Variants in COL5A1 observed in about 807,000 individuals in gnomAD.
COL5A1 encodes the protein collagen type V alpha 1 chain, also known as collagen alpha-1(V) chain.
Under a neutral mutation model 263.7 loss-of-function variants are expected in COL5A1, and 16 were observed. The observed-to-expected ratio is 0.06, with a 90% CI of 0.04 to 0.09. The LOEUF (loss-of-function observed/expected upper bound fraction) is 0.09, where lower values mean the gene tolerates loss of function less well. Among genes scored for constraint, COL5A1 ranks in the 10% least tolerant of loss-of-function variants. The pLI is 1.00. For missense variants in COL5A1, 2,036 were observed against 2,540.5 expected, an observed-to-expected ratio of 0.80 and a Z score of 4.27; for synonymous variants, 1,012 against 1,004.5, an observed-to-expected ratio of 1.01 and a Z score of -0.14.
chr9:134,748,132 CATGCATACACAT>C (rs1835633426), intron 11 of COL5A1, among the ~76,000 whole-genome samples: 1 of 151,664 alleles, frequency 6.6e-6, no homozygotes, highest in Non-Finnish European at 1.5e-5. Context: ...TGCATCCACA[CATGCATACACAT>C]GCATTCACAC....
intron 9 of COL5A1, among the ~76,000 whole-genome samples, chr9:134,736,315 C>G (rs1352817749): frequency 2.6e-5 from 4 of 152,256 alleles, no homozygotes; most frequent in African/African-American, 9.6e-5. Context: ...TATAGAGGGA[C>G]CACATCTGGC....
chr9:134,826,801 GGTGCAGGT>G (rs1329632962), intron 63 of COL5A1, among the ~76,000 whole-genome samples: 1 of 150,728 alleles, frequency 6.6e-6, no homozygotes, highest in African/African-American at 2.4e-5. Context: ...ACTTGTGGCT[GGTGCAGGT>G]GTGTGGGTGT....
Position 134,758,281 on chromosome 9 carries a change from C to A in COL5A1, c.1920C>A (p.Gly640=), listed in dbSNP as rs781663334. ...TCGACGGCCTGGCTGGGTTGCCAGG[C>A]GAGAAGGGCCACAGGGTGAGTATTT... ...RGFDGLAGLP[G]EKGHRGDPGP... The change falls in exon 18 of 66, where the codon GGC becomes GGA. Residue 640 remains glycine, a synonymous_variant. Transcript: ENST00000371817. The surrounding 1 kb of genome is among the most constrained non-coding windows in gnomAD (Gnocchi z 4.1). The A allele has an allele frequency of 1.6e-5, 26 of 1,613,738 alleles. No homozygotes were observed. In the East Asian group the frequency reaches 4.5e-4, roughly 28 times the overall value.
At chr9:134,760,225 CATGCA>C in intron 18 of COL5A1, among the ~76,000 whole-genome samples, 1 of 132,896 alleles carries the variant, frequency 7.5e-6, no homozygotes. Context: ...GCACACACCA[CATGCA>C]CACACACGCA....
chr9:134,648,816 C>T (rs1262798457), intron 1 of COL5A1, among the ~76,000 whole-genome samples: 2 of 152,192 alleles, frequency 1.3e-5, no homozygotes, highest in Non-Finnish European at 2.9e-5. Flanking sequence ...TTCAGCGGAT[C>T]GCTCGCTGCT....
intron 18 of COL5A1, among the ~76,000 whole-genome samples, chr9:134,760,015 TGC>T (rs1161765614): frequency 1.2e-5 from 1 of 81,166 alleles, no homozygotes; most frequent in Non-Finnish European, 2.2e-5. Context: ...CATACACACA[TGC>T]ACACACACCC....
chr9:134,841,895 G>T lies in COL5A1; in HGVS notation c.5371-262G>T, dbSNP rs562632343. 5.9e-5 allele frequency among the ~76,000 whole-genome samples: 9 copies of T among 152,178 alleles called. No individual in the cohort carries two copies. The highest frequency in any genetic ancestry group is 2.6e-4 in the Admixed American group (4 of 15,300). On this transcript the variant is annotated intron_variant, in intron 65 of 65. Transcript: ENST00000371817. This position sits in a 1 kb window ranked among gnomAD's most constrained non-coding sequence, Gnocchi z 4.8. ...TGCCTCAGCCACCCCTGAAGCCTTG[G>T]GAGGGTCCTGTCGCCTCGCTGATGC...
Position 134,822,975 on chromosome 9 carries a change from G to A in COL5A1, c.4609-23G>A, listed in dbSNP as rs528836162. Reference sequence around the variant, plus strand: ...TGGAGCTGAGACCCGGCTTGCTGACGTTCTGCCCTCCTCTCTCTGCAGGGT... The same window carrying A: ...TGGAGCTGAGACCCGGCTTGCTGACATTCTGCCCTCCTCTCTCTGCAGGGT... On this transcript the variant is annotated intron_variant, in intron 59 of 65. Coordinates refer to ENST00000371817, the MANE Select transcript of COL5A1 (RefSeq NM_000093.5). 9 of 1,613,924 alleles carry A rather than the reference G, an allele frequency of 5.6e-6. No individual in the cohort carries two copies. In the East Asian group the frequency reaches 6.7e-5, roughly 12 times the overall value.
intron 11 of COL5A1, among the ~76,000 whole-genome samples, chr9:134,746,374 C>G (rs1241291510): frequency 6.6e-6 from 1 of 152,236 alleles, no homozygotes; most frequent in Admixed American, 6.5e-5. Flanking sequence ...AAACCTGCCA[C>G]CACCATGAAG....
At chr9:134,737,716 C>T (rs898958161) in intron 9 of COL5A1, among the ~76,000 whole-genome samples, 11 of 152,156 alleles carry the variant, frequency 7.2e-5, no homozygotes, top group African/African-American at 1.4e-4. Flanking sequence ...TGCAGGGAGC[C>T]GCTCCCACTG....
chr9:134,815,899 C>T (rs759674257), intron 51 of COL5A1, 36 bp from the exon 52 acceptor site: 36 of 1,612,968 alleles, frequency 2.2e-5, no homozygotes, highest in African/African-American at 1.6e-4. Flanking sequence ...GGGTGCCATC[C>T]GGGGTTCAGC....
chr9:134,687,901 A>G (rs1833135134), intron 1 of COL5A1, among the ~76,000 whole-genome samples: 1 of 152,024 alleles, frequency 6.6e-6, no homozygotes, highest in African/African-American at 2.4e-5. Flanking sequence ...ACTGGGATCC[A>G]CCCTCTGGTG....
At position 134,731,709 on chromosome 9, in the gene COL5A1, T is replaced by C. The variant is rs3109675; in HGVS notation, c.1332+46T>C. On this transcript the variant is annotated intron_variant, in intron 8 of 65. Transcript: ENST00000371817. ...GTTCCGGGTGGGGTTGGGGGGCTGG[T>C]GGGGCATCATGGGGGCTCCTGCCCA... The C allele has an allele frequency of 0.48, 750,828 of 1,572,416 alleles. 183,578 individuals are homozygous for C. The highest frequency in any genetic ancestry group is 0.67 in the Admixed American group (39,275 of 58,212).
chr9:134,780,223 T>G, intron 28 of COL5A1, 77 bp downstream of exon 28: 6 of 1,401,546 alleles, frequency 4.3e-6, no homozygotes, highest in Non-Finnish European at 6.1e-6. Flanking sequence ...CCTCCCACAA[T>G]GCTTCTTCCA....
chr9:134,685,239 TCATC>T (rs1832994969), intron 1 of COL5A1, among the ~76,000 whole-genome samples: 1 of 15,686 alleles, frequency 6.4e-5, no homozygotes, highest in African/African-American at 2.4e-4. Flanking sequence ...ATCCATCCAT[TCATC>T]CATCCATCCA....
chr9:134,807,202 A>C (rs1838326289), intron 42 of COL5A1, among the ~76,000 whole-genome samples: 1 of 152,234 alleles, frequency 6.6e-6, no homozygotes, highest in African/African-American at 2.4e-5. Context: ...AGAGGGTCAG[A>C]ATGAGCTTGA....
At chr9:134,725,491 G>C (rs1353799617) in intron 4 of COL5A1, among the ~76,000 whole-genome samples, 2 of 152,164 alleles carry the variant, frequency 1.3e-5, no homozygotes, top group Non-Finnish European at 2.9e-5. Context: ...GGAACACCCA[G>C]GGTGCTGCCA....
chr9:134,763,490 C>T (rs944377028), intron 19 of COL5A1, among the ~76,000 whole-genome samples: 17 of 152,250 alleles, frequency 1.1e-4, no homozygotes, highest in Admixed American at 2.0e-4. Context: ...TCAGAGCCTG[C>T]AGGCTTCACC....
chr9:134,793,811 C>G (rs563611937), intron 32 of COL5A1, among the ~76,000 whole-genome samples: 31 of 152,300 alleles, frequency 2.0e-4, no homozygotes, highest in African/African-American at 7.5e-4. Flanking sequence ...TATTTGAAGC[C>G]AGAGGATATC....
Sources: allele counts gnomAD v4.1 joint callset (sites outside exome capture counted in the v4.1 genomes callset), GRCh38; gene constraint gnomAD v4.1.1; non-coding constraint Gnocchi (gnomAD v3.1); transcripts MANE v1.5; gene names NCBI Gene and HGNC (gene_info 2026-07-23, HGNC 2026-07-21).